PTPRN2: variants seen among roughly 807,000 people sequenced by gnomAD.
The protein encoded by PTPRN2 is protein tyrosine phosphatase receptor type N2.
In PTPRN2, 74 loss-of-function variants were observed where a neutral mutation model predicts 118.8. The observed-to-expected ratio is 0.62, with a 90% confidence interval of 0.52 to 0.76. The LOEUF is 0.76. Among genes scored for constraint, PTPRN2 ranks in the 30% least tolerant of loss-of-function variants. The pLI is 0.00. For synonymous variants in PTPRN2, 641 were observed against 608.0 expected, an observed-to-expected ratio of 1.05 and a Z score of -0.80; for missense variants, 1,481 against 1,394.4, an observed-to-expected ratio of 1.06 and a Z score of -0.99.
chr7:158,316,124 G>T (rs115007546), intron 3 of PTPRN2, among the ~76,000 whole-genome samples: 1 of 152,184 alleles, frequency 6.6e-6, no homozygotes, highest in South Asian at 2.1e-4. Flanking sequence ...AGGTGGTTCC[G>T]CAGGCAGCTT....
In PTPRN2 at chr7:158,166,429, C is replaced by A. The variant is rs112076803; in HGVS notation, c.910+502G>T. Reference sequence around the variant, plus strand: ...CCTCCTCCCCCCGGGTGCCGCGTTCCCTGTCCTCACACCCTCAGGATCACC... The same window carrying A: ...CCTCCTCCCCCCGGGTGCCGCGTTCACTGTCCTCACACCCTCAGGATCACC... On this transcript the variant is annotated intron_variant, in intron 6 of 22. Coordinates refer to ENST00000389418, the MANE Select transcript of PTPRN2 (RefSeq NM_002847.5). Among the ~76,000 whole-genome samples, 6 of 89,570 alleles carry A rather than the reference C, an allele frequency of 6.7e-5. 1 individual carries two copies. Among genetic ancestry groups the A allele is most frequent in the Admixed American group, 1.2e-4 (1 of 8,150 alleles). 58.8% of individuals were successfully genotyped at this position (89,570 alleles called of 152,430 possible).
chr7:158,065,519 T>C (rs1424095458), intron 11 of PTPRN2, among the ~76,000 whole-genome samples: 1 of 152,202 alleles, frequency 6.6e-6, no homozygotes, highest in African/African-American at 2.4e-5. Flanking sequence ...GAAAGGGCCC[T>C]GGGCTAACGG....
intron 14 of PTPRN2, among the ~76,000 whole-genome samples, chr7:157,628,800 C>T (rs991708037): frequency 6.6e-6 from 1 of 152,194 alleles, no homozygotes; most frequent in African/African-American, 2.4e-5. Flanking sequence ...TGAGTTCCCT[C>T]CCACGCTCTG....
rs544940855 is a variant in PTPRN2 at position 157,685,268 on chromosome 7, C to G, written c.1789-2331G>C. Among the ~76,000 whole-genome samples, 197 of 152,064 alleles carry G rather than the reference C, an allele frequency of 1.3e-3. 1 individual carries two copies. The highest frequency in any genetic ancestry group is 4.5e-3 in the African/African-American group (185 of 41,526). ...GGAGGCGACCCCGGCCCCGCTGCCC[C>G]GGCGTCGGGAGGACACCGCGCGCTC... is the stretch of plus-strand genomic sequence containing the variant. On this transcript the variant is annotated intron_variant, in intron 12 of 22. Transcript: ENST00000389418.
At chr7:158,332,823 C>G (rs1286770228) in intron 2 of PTPRN2, among the ~76,000 whole-genome samples, 5 of 150,558 alleles carry the variant, frequency 3.3e-5, no homozygotes, top group African/African-American at 1.2e-4. Context: ...GTACACACTT[C>G]TCACCATAAG....
intron 11 of PTPRN2, among the ~76,000 whole-genome samples, chr7:157,942,351 C>T (rs916596327): frequency 5.9e-5 from 9 of 152,198 alleles, no homozygotes; most frequent in Non-Finnish European, 1.2e-4. Flanking sequence ...AGTTTTGCTC[C>T]CGCATCTGAG....
intron 1 of PTPRN2, among the ~76,000 whole-genome samples, chr7:158,502,781 T>C (rs572341449): frequency 8.6e-5 from 13 of 152,046 alleles, no homozygotes; most frequent in Admixed American, 7.2e-4. Context: ...GTCCATCAAC[T>C]ACTGTGTCCA....
chr7:157,597,116 G>A (rs1801388907), intron 16 of PTPRN2, among the ~76,000 whole-genome samples: 1 of 152,210 alleles, frequency 6.6e-6, no homozygotes, highest in Admixed American at 6.5e-5. Flanking sequence ...CACCATAAAA[G>A]AGGGGCGAGC....
chr7:157,836,134 A>G (rs993718369), intron 12 of PTPRN2, among the ~76,000 whole-genome samples: 10 of 152,266 alleles, frequency 6.6e-5, no homozygotes, highest in Non-Finnish European at 2.9e-5. Flanking sequence ...AGTATGATAA[A>G]ATGTTTAAAT....
At chr7:157,683,062 AG>A (rs1421627195) in intron 12 of PTPRN2, 125 bp from the exon 13 acceptor site, 1 of 829,118 alleles carries the variant, frequency 1.2e-6, no homozygotes, top group Non-Finnish European at 1.9e-6. Flanking sequence ...CTGGCCCTGG[AG>A]CCACAACGGG....
At position 158,139,499 on chromosome 7, in the gene PTPRN2, GT is replaced by G. The variant is rs374996545; in HGVS notation, c.911-985del. Among the ~76,000 whole-genome samples the G allele has an allele frequency of 2.1e-3, 326 of 152,052 alleles. 2 individuals are homozygous for G. The highest frequency in any genetic ancestry group is 7.5e-3 in the African/African-American group (311 of 41,452). Reference sequence around the variant, plus strand: ...GTCGGAGTCAGGAGGGCACGGGGGGGTGGGAAAGGAACCAGAAACACCTGAA... The same window carrying G: ...GTCGGAGTCAGGAGGGCACGGGGGGGGGGAAAGGAACCAGAAACACCTGAA... On this transcript the variant is annotated intron_variant, in intron 6 of 22. Coordinates refer to ENST00000389418, the MANE Select transcript of PTPRN2 (RefSeq NM_002847.5).
intron 3 of PTPRN2, among the ~76,000 whole-genome samples, chr7:158,258,501 C>A (rs1797177910): frequency 6.6e-6 from 1 of 152,224 alleles, no homozygotes; most frequent in Admixed American, 6.5e-5. Flanking sequence ...ACGGAGGGAG[C>A]TGCCTGGGTG....
At chr7:157,788,309 A>G (rs1405944379) in intron 12 of PTPRN2, among the ~76,000 whole-genome samples, 1 of 145,912 alleles carries the variant, frequency 6.9e-6, no homozygotes, top group Non-Finnish European at 1.5e-5. Flanking sequence ...TGGGAGGCGG[A>G]GGTTGCAGTG....
At chr7:158,462,424 C>T (rs1285096121) in intron 2 of PTPRN2, among the ~76,000 whole-genome samples, 7 of 152,162 alleles carry the variant, frequency 4.6e-5, no homozygotes, top group Non-Finnish European at 7.3e-5. Context: ...ACACCTTCTG[C>T]TCTCACATGA....
intron 12 of PTPRN2, among the ~76,000 whole-genome samples, chr7:157,712,352 G>C (rs1422580365): frequency 1.3e-5 from 2 of 152,200 alleles, no homozygotes; most frequent in African/African-American, 4.8e-5. Flanking sequence ...CAGGACCTCA[G>C]CATGTTATGT....
At chr7:158,255,675 T>C (rs1282977298) in intron 3 of PTPRN2, among the ~76,000 whole-genome samples, 2 of 152,172 alleles carry the variant, frequency 1.3e-5, no homozygotes, top group Non-Finnish European at 2.9e-5. Context: ...TTTCGAGGAC[T>C]CCATTCCCGC....
chr7:157,654,553 G>A (rs1193573975), intron 14 of PTPRN2, among the ~76,000 whole-genome samples: 5 of 152,122 alleles, frequency 3.3e-5, no homozygotes, highest in African/African-American at 7.2e-5. Flanking sequence ...GGTGAGACGC[G>A]TTCCGAAACA....
chr7:157,855,115 G>A (rs967865469), intron 12 of PTPRN2, among the ~76,000 whole-genome samples: 3 of 150,998 alleles, frequency 2.0e-5, no homozygotes, highest in Non-Finnish European at 4.4e-5. Context: ...GGGCCGGATC[G>A]GGGAGGATGG....
intron 6 of PTPRN2, among the ~76,000 whole-genome samples, chr7:158,149,313 A>C (rs1389780827): frequency 1.3e-5 from 2 of 152,192 alleles, no homozygotes; most frequent in East Asian, 3.8e-4. Flanking sequence ...TCAATGTGTA[A>C]ATCACTGCCT....
Sources: gnomAD v4.1 joint callset for allele counts (sites outside exome capture counted in the v4.1 genomes callset) on GRCh38, gnomAD v4.1.1 for gene constraint, MANE v1.5 for transcripts, NCBI Gene and HGNC (gene_info 2026-07-23, HGNC 2026-07-21) for gene names.